Variants in TMPRSS7 observed in about 807,000 individuals in gnomAD.
TMPRSS7 encodes the protein transmembrane serine protease 7.
A neutral mutation model predicts 95.6 loss-of-function variants in TMPRSS7; 81 were observed. That is an observed-to-expected ratio of 0.85 (90% CI 0.71 to 1.02). The LOEUF (loss-of-function observed/expected upper bound fraction) is 1.02, where lower values mean the gene tolerates loss of function less well. Among genes scored for constraint, TMPRSS7 ranks in the 50% least tolerant of loss-of-function variants. The pLI, the probability that TMPRSS7 is intolerant of heterozygous loss-of-function variation, is 0.00. For missense variants in TMPRSS7, 945 were observed against 955.2 expected, an observed-to-expected ratio of 0.99 and a Z score of 0.14; for synonymous variants, 364 against 337.8, an observed-to-expected ratio of 1.08 and a Z score of -0.85.
chr3:112,046,075 C>A, intron 5 of TMPRSS7, 132 bp downstream of exon 5: 1 of 783,218 alleles, frequency 1.3e-6, no homozygotes, highest in Non-Finnish European at 2.0e-6. Flanking sequence ...GCAGGATTAA[C>A]TAAAGACATT....
intron 13 of TMPRSS7, among the ~76,000 whole-genome samples, chr3:112,071,984 C>T (rs940215496): frequency 1.3e-5 from 2 of 152,170 alleles, no homozygotes; most frequent in South Asian, 2.1e-4. Flanking sequence ...AGCTTTGTTC[C>T]GTTGCTGGTG....
intron 1 of TMPRSS7, among the ~76,000 whole-genome samples, chr3:112,036,777 G>A (rs1208405829): frequency 1.3e-5 from 2 of 152,142 alleles, no homozygotes; most frequent in Non-Finnish European, 2.9e-5. Flanking sequence ...CTGAATGGAG[G>A]GAATTGCTGA....
At chr3:112,066,564 A>C in intron 13 of TMPRSS7, 62 bp downstream of exon 13, 2 of 1,483,668 alleles carry the variant, frequency 1.3e-6, no homozygotes, top group Admixed American at 3.4e-5. Context: ...ATCAGGACAA[A>C]AATACCTCTG....
chr3:112,036,124 A>T (rs2073148321), intron 1 of TMPRSS7, among the ~76,000 whole-genome samples: 1 of 152,098 alleles, frequency 6.6e-6, no homozygotes, highest in Admixed American at 6.6e-5. Context: ...TTTCCTTCCT[A>T]CCACCCAGTC....
chr3:112,073,532 G>A (rs559919890), intron 13 of TMPRSS7, among the ~76,000 whole-genome samples: 12 of 152,134 alleles, frequency 7.9e-5, no homozygotes, highest in Non-Finnish European at 1.6e-4. Flanking sequence ...CTGCATAAAT[G>A]TCTTCTTTTG....
At chr3:112,037,786 A>T (rs569007650) in intron 1 of TMPRSS7, among the ~76,000 whole-genome samples, 165 of 152,280 alleles carry the variant, frequency 1.1e-3, no homozygotes, top group African/African-American at 3.7e-3. Context: ...ACTTAGGGAA[A>T]ATAGAAAAGA....
chr3:112,056,950 C>G (rs974949086), intron 9 of TMPRSS7, 75 bp from the exon 10 acceptor site: 12 of 1,084,628 alleles, frequency 1.1e-5, no homozygotes, highest in African/African-American at 7.9e-5. Context: ...GGCCTTAAAA[C>G]AACAAGCCAA....
exon 15 of TMPRSS7, chr3:112,075,387 G>C: frequency 6.5e-7 from 1 of 1,527,122 alleles, no homozygotes; most frequent in Non-Finnish European, 8.8e-7. Context: ...GAGGGGGGTT[G>C]GCCGTGGCAG....
intron 3 of TMPRSS7, among the ~76,000 whole-genome samples, chr3:112,042,500 T>C (rs1429631056): frequency 6.6e-6 from 1 of 152,226 alleles, no homozygotes; most frequent in Non-Finnish European, 1.5e-5. Flanking sequence ...ATTCAGATGA[T>C]TATGTTTTAA....
intron 13 of TMPRSS7, among the ~76,000 whole-genome samples, chr3:112,072,696 C>T: frequency 6.6e-6 from 1 of 152,242 alleles, no homozygotes; most frequent in Non-Finnish European, 1.5e-5. Context: ...CCTCCCTCAG[C>T]CAGGCTGCCG....
chr3:112,081,092 A>C, exon 18 of TMPRSS7: 1 of 1,588,468 alleles, frequency 6.3e-7, no homozygotes, highest in Non-Finnish European at 8.5e-7. Context: ...TAATTGTACC[A>C]GTTGTATTTT....
intron 13 of TMPRSS7, among the ~76,000 whole-genome samples, chr3:112,069,689 A>G (rs1225140829): frequency 1.3e-5 from 2 of 150,988 alleles, no homozygotes; most frequent in African/African-American, 2.5e-5. Context: ...ATCATTTTTT[A>G]TTGAGTCTAT....
intron 12 of TMPRSS7, 36 bp downstream of exon 12, chr3:112,063,668 A>G (rs2073541503): frequency 1.3e-6 from 2 of 1,515,930 alleles, no homozygotes; most frequent in African/African-American, 2.7e-5. Context: ...CTTTCTTATG[A>G]ATAAGTAACT....
At chr3:112,037,359 C>T (rs940303762) in intron 1 of TMPRSS7, among the ~76,000 whole-genome samples, 1 of 152,150 alleles carries the variant, frequency 6.6e-6, no homozygotes, top group African/African-American at 2.4e-5. Context: ...TGAAACACAC[C>T]CTAGTCTCCT....
intron 12 of TMPRSS7, among the ~76,000 whole-genome samples, chr3:112,064,797 G>A (rs557635840): frequency 6.6e-5 from 10 of 152,128 alleles, no homozygotes; most frequent in Non-Finnish European, 1.2e-4. Flanking sequence ...AATTTTTCAT[G>A]ACTATTTGTA....
chr3:112,054,729 C>CTTTTTT (rs1161735611), intron 9 of TMPRSS7, among the ~76,000 whole-genome samples: 1,725 of 49,024 alleles, frequency 0.035, 683 homozygotes, highest in East Asian at 0.099. Flanking sequence ...TCTCAGTTTG[C>CTTTTTT]TTTTTTTTTT....
At chr3:112,071,812 C>G (rs901693115) in intron 13 of TMPRSS7, among the ~76,000 whole-genome samples, 5 of 152,162 alleles carry the variant, frequency 3.3e-5, no homozygotes, top group Admixed American at 2.6e-4. Context: ...CATTTAAGGT[C>G]TTTTCTACAC....
chr3:112,059,137 ACGGTATAT>A (rs1449910611), intron 10 of TMPRSS7, among the ~76,000 whole-genome samples: 31 of 152,188 alleles, frequency 2.0e-4, no homozygotes, highest in Non-Finnish European at 5.9e-5. Context: ...CAGCTGGACT[ACGGTATAT>A]GAACCCCGAA....
intron 13 of TMPRSS7, among the ~76,000 whole-genome samples, chr3:112,071,223 A>G (rs944377298): frequency 1.3e-5 from 2 of 152,200 alleles, no homozygotes; most frequent in African/African-American, 4.8e-5. Context: ...TTGGCTGGAT[A>G]TGAAATTCTG....
Sources: allele counts gnomAD v4.1 joint callset (sites outside exome capture counted in the v4.1 genomes callset), GRCh38; gene constraint gnomAD v4.1.1; transcripts MANE v1.5; gene names NCBI Gene and HGNC (gene_info 2026-07-23, HGNC 2026-07-21).